PFDN1: variants seen among roughly 807,000 people sequenced by gnomAD.
PFDN1 encodes the protein prefoldin subunit 1.
In PFDN1, 6 loss-of-function variants were observed where a neutral mutation model predicts 17.3. The ratio of observed to expected loss-of-function variants is 0.35; its 90% CI spans 0.19 to 0.69. The LOEUF (loss-of-function observed/expected upper bound fraction) is 0.69. Among genes scored for constraint, PFDN1 ranks in the 30% least tolerant of loss-of-function variants. The pLI, the probability that PFDN1 is intolerant of heterozygous loss-of-function variation, is 0.65. For synonymous variants in PFDN1, 58 were observed against 50.1 expected (o/e 1.16, Z -0.67); for missense variants, 113 against 146.2 (o/e 0.77, Z 1.17).
At chr5:140,287,591 G>C (rs1026114368) in intron 2 of PFDN1, among the ~76,000 whole-genome samples, 16 of 152,064 alleles carry the variant, frequency 1.1e-4, no homozygotes, top group African/African-American at 3.9e-4. Context: ...GATGAACCTG[G>C]AGCATACTGC....
intron 3 of PFDN1, among the ~76,000 whole-genome samples, chr5:140,280,090 A>G (rs1752971728): frequency 6.6e-6 from 1 of 151,198 alleles, no homozygotes; most frequent in South Asian, 2.1e-4. Flanking sequence ...TAATTTCTTT[A>G]GGGTAAACAG....
chr5:140,275,075 T>C (rs1186277715), intron 3 of PFDN1, among the ~76,000 whole-genome samples: 1 of 151,678 alleles, frequency 6.6e-6, no homozygotes, highest in Non-Finnish European at 1.5e-5. Flanking sequence ...AAAGAAGTTC[T>C]AAGGAAAAAA....
In PFDN1 at chr5:140,245,378, C is replaced by T. The variant is rs1245762321; in HGVS notation, c.*596G>A. 1 of 686,158 alleles carries T rather than the reference C, an allele frequency of 1.5e-6. No homozygotes were observed. The highest frequency in any genetic ancestry group is 1.8e-5 in the African/African-American group (1 of 56,694). The allele number at this position is 686,158 out of a possible 1,614,324, so 42.5% of individuals were successfully genotyped here. A position where few individuals can be genotyped will look rare whatever the true frequency, so the allele number is the denominator to read the frequency against. Reference sequence around the variant, plus strand: ...GGAAAGGAATCTTTAGGCAGACTGCCATCCAGGGACTGCTATTCTGTTCAC... The same window carrying T: ...GGAAAGGAATCTTTAGGCAGACTGCTATCCAGGGACTGCTATTCTGTTCAC... On this transcript the variant is annotated 3_prime_UTR_variant, in exon 4 of 4. Transcript: ENST00000261813.
chr5:140,245,853 T>C lies in PFDN1; in HGVS notation c.*121A>G. ...TCAGGGTGATGCAGAAAATGTGATG[T>C]TGCCAGGCCATCCAAATAAAGCATC... On this transcript the variant is annotated 3_prime_UTR_variant, in exon 4 of 4. Coordinates refer to ENST00000261813, the MANE Select transcript of PFDN1 (RefSeq NM_002622.5). 1.5e-6 allele frequency: 1 copy of C among 674,034 alleles called. No individual in the cohort carries two copies. The highest frequency in any genetic ancestry group is 2.7e-6 in the Non-Finnish European group (1 of 375,522). 41.8% of individuals were successfully genotyped at this position (674,034 alleles called of 1,614,324 possible).
chr5:140,288,854 C>T (rs952292671), intron 2 of PFDN1, among the ~76,000 whole-genome samples: 2 of 152,008 alleles, frequency 1.3e-5, no homozygotes, highest in African/African-American at 2.4e-5. Context: ...GACATGGTGG[C>T]GGGTACCTGT....
Position 140,245,894 on chromosome 5 carries a change from G to A in PFDN1, c.*80C>T. 3.8e-6 allele frequency: 3 copies of A among 787,100 alleles called. No individual in the cohort carries two copies. The highest frequency in any genetic ancestry group is 6.6e-6 in the Non-Finnish European group (3 of 453,806). 48.8% of individuals were successfully genotyped at this position (787,100 alleles called of 1,614,324 possible). A position where few individuals can be genotyped will look rare whatever the true frequency, so the allele number is the denominator to read the frequency against. ...ATAAAGCATCCATCGGGGCAGAGGA[G>A]AAGCTGTTTCCCTGCAGACACTCCT... On this transcript the variant is annotated 3_prime_UTR_variant, in exon 4 of 4. Coordinates refer to ENST00000261813, the MANE Select transcript of PFDN1 (RefSeq NM_002622.5).
At chr5:140,249,907 G>A (rs1376861449) in intron 3 of PFDN1, among the ~76,000 whole-genome samples, 1 of 152,148 alleles carries the variant, frequency 6.6e-6, no homozygotes, top group Non-Finnish European at 1.5e-5. Flanking sequence ...CAACACTGGG[G>A]ATCAAATTTT....
chr5:140,250,866 TACAA>T (rs1764902831), intron 3 of PFDN1, among the ~76,000 whole-genome samples: 1 of 152,202 alleles, frequency 6.6e-6, no homozygotes, highest in Non-Finnish European at 1.5e-5. Context: ...AACCTATCAC[TACAA>T]ACAATGTCAA....
At chr5:140,252,302 G>A (rs751122510) in intron 3 of PFDN1, among the ~76,000 whole-genome samples, 1 of 152,114 alleles carries the variant, frequency 6.6e-6, no homozygotes, top group Non-Finnish European at 1.5e-5. Context: ...CTCATCTCCT[G>A]CCCTCCAATC....
At chr5:140,278,557 C>CAAAAAAAAAAAA (rs113129230) in intron 3 of PFDN1, among the ~76,000 whole-genome samples, 348 of 79,010 alleles carry the variant, frequency 4.4e-3, no homozygotes, top group East Asian at 9.5e-3. Context: ...GACTCTGTCT[C>CAAAAAAAAAAAA]AAAAAAAAAA....
chr5:140,262,944 T>G (rs80059423), intron 3 of PFDN1, among the ~76,000 whole-genome samples: 2,085 of 152,288 alleles, frequency 0.014, 47 homozygotes, highest in African/African-American at 0.045. Flanking sequence ...GCTGGCAATA[T>G]GCTCAATCAG....
In PFDN1 at chr5:140,300,505, T is replaced by C; in HGVS notation, c.111A>G (p.Leu37=). The C allele has an allele frequency of 6.2e-7, 1 of 1,613,186 alleles. No homozygotes were observed. Among genetic ancestry groups the C allele is most frequent in the Non-Finnish European group, 8.5e-7 (1 of 1,179,140 alleles). The change falls in exon 2 of 4, where the codon CTA becomes CTG. Residue 37 remains leucine, a synonymous_variant. Transcript: ENST00000261813. ...VKLADIQIEQ[L]NRTKKHAHLT... ...GATGTGCATGCTTTTTCGTTCTGTT[T>C]AGCTGTTCAATCTGTATGTCTGCGA... is the stretch of plus-strand genomic sequence containing the variant.
chr5:140,283,170 T>C (rs1163212993), intron 2 of PFDN1, among the ~76,000 whole-genome samples: 1 of 152,238 alleles, frequency 6.6e-6, no homozygotes, highest in Non-Finnish European at 1.5e-5. Context: ...CACATATTAA[T>C]AAAATCTGAA....
intron 2 of PFDN1, among the ~76,000 whole-genome samples, chr5:140,295,654 A>C (rs562007859): frequency 2.4e-4 from 36 of 152,190 alleles, no homozygotes; most frequent in Non-Finnish European, 4.9e-4. Context: ...ACTGGATGGA[A>C]TATAGCTTTG....
chr5:140,258,587 T>C (rs533484035), intron 3 of PFDN1, among the ~76,000 whole-genome samples: 9 of 152,250 alleles, frequency 5.9e-5, no homozygotes, highest in Non-Finnish European at 1.2e-4. Flanking sequence ...GAAGAGCAGA[T>C]AGATTTCTGA....
At chr5:140,272,078 A>T (rs1765214339) in intron 3 of PFDN1, among the ~76,000 whole-genome samples, 1 of 151,712 alleles carries the variant, frequency 6.6e-6, no homozygotes, top group Admixed American at 6.6e-5. Context: ...GGAGTGCAAT[A>T]GCGTAATCTT....
At position 140,245,248 on chromosome 5, in the gene PFDN1, G is replaced by GC; in HGVS notation, c.*725dup. The GC allele has an allele frequency of 2.1e-6, 1 of 474,922 alleles. No homozygotes were observed. The highest frequency in any genetic ancestry group is 3.8e-6 in the Non-Finnish European group (1 of 265,322). The allele number at this position is 474,922 out of a possible 1,614,324, so 29.4% of individuals were successfully genotyped here. A position where few individuals can be genotyped will look rare whatever the true frequency, so the allele number is the denominator to read the frequency against. On this transcript the variant is annotated 3_prime_UTR_variant, in exon 4 of 4. Transcript: ENST00000261813. ...CCGTTGCCCCCTCAGCCTCTAGGAG[G>GC]CCTCAGGATTATGGCGTCCATCTTA...
intron 2 of PFDN1, among the ~76,000 whole-genome samples, chr5:140,297,088 C>T (rs971329271): frequency 3.3e-5 from 5 of 152,148 alleles, no homozygotes; most frequent in African/African-American, 1.2e-4. Context: ...AGTTAAGATG[C>T]TATCATAAAA....
At chr5:140,255,171 C>T (rs2126679588) in intron 3 of PFDN1, among the ~76,000 whole-genome samples, 1 of 152,362 alleles carries the variant, frequency 6.6e-6, no homozygotes, top group African/African-American at 2.4e-5. Context: ...TATTCTCCCT[C>T]CTCTCAGCTG....
Sources: allele counts gnomAD v4.1 joint callset (sites outside exome capture counted in the v4.1 genomes callset), GRCh38; gene constraint gnomAD v4.1.1; transcripts MANE v1.5; gene names NCBI Gene and HGNC (gene_info 2026-07-23, HGNC 2026-07-21).